Variants in CADM2 observed in about 807,000 individuals in gnomAD.
CADM2 encodes the protein cell adhesion molecule 2, also known as immunoglobulin superfamily member 4D.
In CADM2, 12 loss-of-function variants were observed where a neutral mutation model predicts 49.8. That is an observed-to-expected ratio of 0.24 (90% CI 0.15 to 0.39). CADM2 has a LOEUF of 0.39. Ranked by LOEUF, CADM2 falls within the 10% of genes least tolerant of loss-of-function variation. The probability of loss-of-function intolerance (pLI) is 1.00; values close to 1 mark genes in which losing one functional copy is unlikely to be tolerated. For synonymous variants in CADM2, 214 were observed against 175.4 expected (o/e 1.22, Z -1.74); for missense variants, 378 against 492.3 (o/e 0.77, Z 2.20).
intron 1 of CADM2, among the ~76,000 whole-genome samples, chr3:84,982,727 A>ACG (rs1559601408): frequency 4.4e-5 from 5 of 114,114 alleles, no homozygotes; most frequent in Non-Finnish European, 9.5e-5. Context: ...ATATATATAT[A>ACG]TATATATACA....
intron 1 of CADM2, among the ~76,000 whole-genome samples, chr3:85,551,097 C>A (rs1200649082): frequency 6.6e-6 from 1 of 152,110 alleles, no homozygotes; most frequent in East Asian, 1.9e-4. Flanking sequence ...AATCTTCCCA[C>A]CTCAGACTCT....
At chr3:85,762,652 G>C (rs1034950621) in intron 2 of CADM2, among the ~76,000 whole-genome samples, 1 of 144,916 alleles carries the variant, frequency 6.9e-6, no homozygotes, top group East Asian at 2.0e-4. Flanking sequence ...TCCTATTAAA[G>C]TTTTTGTTCT....
At chr3:85,459,656 C>G (rs1179491911) in intron 1 of CADM2, among the ~76,000 whole-genome samples, 1 of 152,182 alleles carries the variant, frequency 6.6e-6, no homozygotes, top group African/African-American at 2.4e-5. Context: ...GATTTTCCTT[C>G]TCTTACTATG....
intron 1 of CADM2, among the ~76,000 whole-genome samples, chr3:85,664,885 A>AT (rs1223563732): frequency 6.6e-6 from 1 of 151,766 alleles, no homozygotes; most frequent in African/African-American, 2.4e-5. Flanking sequence ...CTTTTCAGAT[A>AT]TTTTTTCCCA....
At chr3:86,041,624 A>T (rs1446282684) in intron 8 of CADM2, among the ~76,000 whole-genome samples, 2 of 152,146 alleles carry the variant, frequency 1.3e-5, no homozygotes, top group Non-Finnish European at 2.9e-5. Context: ...CTCCCACACA[A>T]TAATAATGGG....
At chr3:86,026,641 C>T (rs1318855731) in intron 8 of CADM2, among the ~76,000 whole-genome samples, 2 of 152,128 alleles carry the variant, frequency 1.3e-5, no homozygotes, top group Non-Finnish European at 2.9e-5. Flanking sequence ...CCTTCAAAAC[C>T]TCATGAACTT....
intron 3 of CADM2, among the ~76,000 whole-genome samples, chr3:85,876,984 G>C (rs1425390138): frequency 1.3e-5 from 2 of 152,012 alleles, no homozygotes; most frequent in African/African-American, 4.8e-5. Flanking sequence ...TAAAACCAAC[G>C]GTGTATTGGA....
chr3:84,985,095 T>C (rs1463457083), intron 1 of CADM2, among the ~76,000 whole-genome samples: 2 of 152,182 alleles, frequency 1.3e-5, no homozygotes, highest in African/African-American at 2.4e-5. Flanking sequence ...TGAAGAGTTA[T>C]TGTCCTAAAT....
intron 1 of CADM2, among the ~76,000 whole-genome samples, chr3:85,390,621 T>C (rs2034472765): frequency 6.6e-6 from 1 of 152,092 alleles, no homozygotes; most frequent in Admixed American, 6.6e-5. Flanking sequence ...GGTTTAATCC[T>C]GTTTTGGGAT....
chr3:85,312,428 A>T (rs1326969747), intron 1 of CADM2, among the ~76,000 whole-genome samples: 1 of 152,144 alleles, frequency 6.6e-6, no homozygotes, highest in Non-Finnish European at 1.5e-5. Flanking sequence ...GACATTGAAT[A>T]AAACTAATCT....
intron 8 of CADM2, among the ~76,000 whole-genome samples, chr3:86,018,310 C>T (rs2106993022): frequency 7.2e-6 from 1 of 138,456 alleles, no homozygotes. Context: ...CAAGTCTTTG[C>T]TATTGTGAAT....
At chr3:85,658,513 T>C (rs2065279008) in intron 1 of CADM2, among the ~76,000 whole-genome samples, 1 of 148,878 alleles carries the variant, frequency 6.7e-6, no homozygotes, top group African/African-American at 2.5e-5. Context: ...TATCTGTCTA[T>C]CTATCTACCT....
At chr3:85,334,747 T>C (rs2045030703) in intron 1 of CADM2, among the ~76,000 whole-genome samples, 1 of 151,556 alleles carries the variant, frequency 6.6e-6, no homozygotes, top group Non-Finnish European at 1.5e-5. Context: ...TAATATTTCA[T>C]TTTTCTTGAA....
At chr3:85,956,699 G>A (rs1332075961) in intron 7 of CADM2, among the ~76,000 whole-genome samples, 33 of 150,088 alleles carry the variant, frequency 2.2e-4, no homozygotes, top group Admixed American at 2.2e-3. Context: ...ATACAGATTG[G>A]CAACTTGAAT....
chr3:85,848,013 A>G (rs186715644), intron 3 of CADM2, among the ~76,000 whole-genome samples: 26 of 152,250 alleles, frequency 1.7e-4, no homozygotes, highest in African/African-American at 6.0e-4. Flanking sequence ...GTATGGAATT[A>G]ATACATTTTT....
rs190040498 is a variant in CADM2, at chr3:85,207,914, A to G, written c.61+248246A>G. Among the ~76,000 whole-genome samples the G allele has an allele frequency of 7.5e-3, 1,136 of 152,240 alleles. 10 individuals carry two copies. Among genetic ancestry groups the G allele is most frequent in the Non-Finnish European group, 0.011 (757 of 67,982 alleles). On this transcript the variant is annotated intron_variant, in intron 1 of 9. Transcript: ENST00000383699. ...GTTTCCTTTCTCCTTTGTTTTGTGT[A>G]TATTTCTAGTATAATCATCATGAAC...
chr3:85,918,472 G>T (rs1389432845), intron 6 of CADM2, among the ~76,000 whole-genome samples: 1 of 152,108 alleles, frequency 6.6e-6, no homozygotes, highest in Non-Finnish European at 1.5e-5. Context: ...ATTTTCGTAT[G>T]TTGGACCAGC....
intron 1 of CADM2, among the ~76,000 whole-genome samples, chr3:85,684,098 A>G (rs1173784626): frequency 6.6e-6 from 1 of 152,192 alleles, no homozygotes; most frequent in East Asian, 1.9e-4. Flanking sequence ...CAAGAAAACA[A>G]ATGAAGCTCA....
chr3:85,277,629 A>T (rs563978788), intron 1 of CADM2, among the ~76,000 whole-genome samples: 1 of 151,458 alleles, frequency 6.6e-6, no homozygotes, highest in East Asian at 1.9e-4. Flanking sequence ...AACTTCTTGT[A>T]TTTCTTTTAT....
Sources: allele counts gnomAD v4.1 joint callset (sites outside exome capture counted in the v4.1 genomes callset), GRCh38; gene constraint gnomAD v4.1.1; transcripts MANE v1.5; gene names NCBI Gene and HGNC (gene_info 2026-07-23, HGNC 2026-07-21).